The following PHIP variants were observed in gnomAD, a reference collection of about 807,000 sequenced individuals.
The protein encoded by PHIP is PH-interacting protein.
In PHIP, 54 loss-of-function variants were observed where a neutral mutation model predicts 236.8. That is an observed-to-expected ratio of 0.23 (90% confidence interval 0.18 to 0.29). The LOEUF is 0.29. Ranked by LOEUF, PHIP falls within the 10% of genes least tolerant of loss-of-function variation. The pLI, the probability that PHIP is intolerant of heterozygous loss-of-function variation, is 1.00. For synonymous variants in PHIP, 756 were observed against 718.9 expected, an observed-to-expected ratio of 1.05 and a Z score of -0.83; for missense variants, 1,370 against 2,190.8, an observed-to-expected ratio of 0.63 and a Z score of 7.48.
intron 4 of PHIP, among the ~76,000 whole-genome samples, chr6:79,063,300 C>CT (rs1409737943): frequency 1.3e-5 from 2 of 152,250 alleles, no homozygotes; most frequent in East Asian, 3.8e-4. Context: ...GCAGAAACGA[C>CT]TGACTTCCCC....
intron 4 of PHIP, among the ~76,000 whole-genome samples, chr6:79,070,060 AAG>A (rs1170770766): frequency 6.6e-6 from 1 of 152,162 alleles, no homozygotes; most frequent in African/African-American, 2.4e-5. Context: ...TGCTAAAAAA[AAG>A]AGACTCTATT....
At chr6:78,989,480 T>C (rs1369139621) in intron 20 of PHIP, among the ~76,000 whole-genome samples, 3 of 152,046 alleles carry the variant, frequency 2.0e-5, no homozygotes, top group African/African-American at 7.2e-5. Flanking sequence ...GGTCTTGTCT[T>C]AGAAAAAAAC....
rs1422989854 is a variant in PHIP at position 79,059,618 on chromosome 6, TATATATAA to T, written c.439+852_439+859del. Among the ~76,000 whole-genome samples the T allele has an allele frequency of 5.1e-3, 576 of 113,930 alleles. 12 individuals are homozygous for T. The highest frequency in any genetic ancestry group is 0.014 in the African/African-American group (417 of 30,722). 74.7% of individuals were successfully genotyped at this position (113,930 alleles called of 152,430 possible). A position where few individuals can be genotyped will look rare whatever the true frequency, so the allele number is the denominator to read the frequency against. The stretch of plus-strand genomic sequence containing the variant: ...ATATATATATATATATATATATATA[TATATATAA>T]AAATGCCAAACAAAAGTCATATAAA... On this transcript the variant is annotated intron_variant, in intron 6 of 39. Coordinates refer to ENST00000275034, the MANE Select transcript of PHIP (RefSeq NM_017934.7).
intron 1 of PHIP, 22 bp downstream of exon 1, chr6:79,078,006 GC>G: frequency 2.5e-6 from 4 of 1,607,698 alleles, no homozygotes; most frequent in South Asian, 1.1e-5. Context: ...GGTGCCAGCG[GC>G]CCCGGCAGCC....
At chr6:78,958,344 C>G (rs1361008241) in intron 32 of PHIP, 131 bp downstream of exon 32, 1 of 604,274 alleles carries the variant, frequency 1.7e-6, no homozygotes. Flanking sequence ...GTCTAATGCT[C>G]TCCCAGCTGA....
chr6:78,955,271 T>C lies in PHIP; in HGVS notation c.3864A>G (p.Lys1288=). The C allele has an allele frequency of 1.2e-6, 2 of 1,609,364 alleles. No individual in the cohort carries two copies. The highest frequency in any genetic ancestry group is 2.2e-5 in the South Asian group (2 of 90,700). The change falls in exon 34 of 40, where the codon AAA becomes AAG. Residue 1288 remains lysine, a synonymous_variant. Coordinates refer to ENST00000275034, the MANE Select transcript of PHIP (RefSeq NM_017934.7). ...TAGAAGTTCCTGGCACATCAGCATCTTTCTCTTCATCCTTTGAGGCAAGAA... is the reference window on the plus strand; with the variant it reads ...TAGAAGTTCCTGGCACATCAGCATCCTTCTCTTCATCCTTTGAGGCAAGAA... The part of the protein sequence containing the change: ...KVLSDSEDEE[K]DADVPGTSTR...
chr6:78,997,284 A>G (rs1465909950), intron 19 of PHIP, 130 bp downstream of exon 19: 2 of 635,294 alleles, frequency 3.1e-6, no homozygotes, highest in Non-Finnish European at 5.5e-6. Context: ...TACAGTCATG[A>G]ATAGTTTATA....
intron 35 of PHIP, among the ~76,000 whole-genome samples, chr6:78,952,204 A>C (rs1774199380): frequency 6.6e-6 from 1 of 152,076 alleles, no homozygotes. Flanking sequence ...GCAGATCACA[A>C]GGTCAAGAGA....
rs1773303349 is a variant in PHIP at position 78,937,211 on chromosome 6, T to G, written c.*3482A>C. 6.6e-6 allele frequency: 1 copy of G among 151,720 alleles called. No individual in the cohort carries two copies. The highest frequency in any genetic ancestry group is 1.5e-5 in the Non-Finnish European group (1 of 67,662). The allele number at this position is 151,720 out of a possible 1,614,324, so 9.4% of individuals were successfully genotyped here. A position where few individuals can be genotyped will look rare whatever the true frequency, so the allele number is the denominator to read the frequency against. On this transcript the variant is annotated 3_prime_UTR_variant, in exon 40 of 40. Transcript: ENST00000275034. ...TCAGAATATATCCGTTTTCATTAGA[T>G]AGAAAACTGAAAAAGTTGCTTCTAG...
In PHIP at chr6:78,938,084, G is replaced by C. The variant is rs1465777305; in HGVS notation, c.*2609C>G. On this transcript the variant is annotated 3_prime_UTR_variant, in exon 40 of 40. Coordinates refer to ENST00000275034, the MANE Select transcript of PHIP (RefSeq NM_017934.7). ...CAAGTGGTAAAGAAAACAAAAATATGGTGATGACTTAAATTTCTTAATTCA... is the reference window on the plus strand; with the variant it reads ...CAAGTGGTAAAGAAAACAAAAATATCGTGATGACTTAAATTTCTTAATTCA... 1 of 151,588 alleles carries C rather than the reference G, an allele frequency of 6.6e-6. No individual in the cohort carries two copies. The highest frequency in any genetic ancestry group is 1.5e-5 in the Non-Finnish European group (1 of 67,588). 9.4% of individuals were successfully genotyped at this position (151,588 alleles called of 1,614,324 possible).
intron 4 of PHIP, among the ~76,000 whole-genome samples, chr6:79,073,327 A>C (rs375939285): frequency 0.035 from 5,368 of 152,220 alleles, 128 homozygotes; most frequent in Middle Eastern, 0.065. Context: ...CACGCCTAAC[A>C]TATTTTATTC....
Position 78,947,697 on chromosome 6 carries a change from G to A in PHIP, c.4132C>T (p.Pro1378Ser). ...CTGACATCTTTACATAACTCCATTG[G>A]TGACTCATAATTCCCAGCCTCTAAA... ...ETLEAGNYES[P>S]MELCKDVRLI... The change falls in exon 36 of 40, where the codon CCA (proline) becomes TCA (serine). Residue 1378 changes from proline to serine, a missense_variant. By Grantham distance (74) the Pro-to-Ser change is moderately conservative. Transcript: ENST00000275034. 6.4e-7 allele frequency: 1 copy of A among 1,559,570 alleles called. No homozygotes were observed.
chr6:78,986,683 G>T (rs879377029), intron 21 of PHIP, among the ~76,000 whole-genome samples: 8 of 152,074 alleles, frequency 5.3e-5, no homozygotes, highest in Non-Finnish European at 1.0e-4. Context: ...CAATGGGGTG[G>T]ATTCTTTTAA....
At chr6:79,032,820 G>A (rs760678557) in intron 7 of PHIP, among the ~76,000 whole-genome samples, 4 of 151,552 alleles carry the variant, frequency 2.6e-5, no homozygotes, top group Non-Finnish European at 4.4e-5. Flanking sequence ...GGTGAAACAG[G>A]AGGTTTTCGA....
rs1418194432 is a variant in PHIP at position 79,078,123 on chromosome 6, GGGGACGGTGCCGCC to G, written c.-69_-56del. ...GGACACCCCGCCGCCGAGGGGAAGC[GGGGACGGTGCCGCC>G]GCCTGCCCTATAGCTGTCAGTGTGT... is the stretch of plus-strand genomic sequence containing the variant. On this transcript the variant is annotated 5_prime_UTR_variant, in exon 1 of 40. Transcript: ENST00000275034. 1 of 1,584,928 alleles carries G rather than the reference GGGGACGGTGCCGCC, an allele frequency of 6.3e-7. No homozygotes were observed. Among genetic ancestry groups the G allele is most frequent in the Non-Finnish European group, 8.6e-7 (1 of 1,160,020 alleles).
intron 7 of PHIP, among the ~76,000 whole-genome samples, chr6:79,032,227 G>A (rs1005382225): frequency 6.6e-6 from 1 of 152,204 alleles, no homozygotes; most frequent in Non-Finnish European, 1.5e-5. Flanking sequence ...ACAGCTGTTG[G>A]CTGATCAGGG....
chr6:79,058,031 AATTTTT>A (rs537751584), intron 6 of PHIP, among the ~76,000 whole-genome samples: 136 of 152,276 alleles, frequency 8.9e-4, no homozygotes, highest in Middle Eastern at 3.4e-3. Context: ...ATGTAAATAC[AATTTTT>A]AAAAGTAGGC....
intron 12 of PHIP, 53 bp downstream of exon 12, chr6:79,017,293 T>C (rs1372877943): frequency 9.4e-6 from 10 of 1,067,498 alleles, no homozygotes; most frequent in South Asian, 4.8e-5. Flanking sequence ...ATGACTAAAA[T>C]TGTCTTTATT....
chr6:79,052,603 A>G lies in PHIP; in HGVS notation c.439+7875T>C, dbSNP rs190666951. 4.7e-4 allele frequency among the ~76,000 whole-genome samples: 71 copies of G among 152,362 alleles called. 1 individual carries two copies. The East Asian group carries it at 0.013, about 28-fold the overall frequency. On this transcript the variant is annotated intron_variant, in intron 6 of 39. Coordinates refer to ENST00000275034, the MANE Select transcript of PHIP (RefSeq NM_017934.7). ...AATGAGAATGAATTGGAAAGGATAT[A>G]AGTAAAAGCAAAAGCTAACTTTGCA...
Sources: allele counts gnomAD v4.1 joint callset (sites outside exome capture counted in the v4.1 genomes callset), GRCh38; gene constraint gnomAD v4.1.1; transcripts MANE v1.5; gene names NCBI Gene and HGNC (gene_info 2026-07-23, HGNC 2026-07-21).